The following ATRNL1 variants were observed in gnomAD, a reference collection of about 807,000 sequenced individuals.
ATRNL1 encodes attractin like 1, also known as attractin-like protein 1.
In ATRNL1, 95 loss-of-function variants were observed where a neutral mutation model predicts 182.7. The observed-to-expected ratio is 0.52, with a 90% CI of 0.44 to 0.62. The LOEUF is 0.62. Among genes scored for constraint, ATRNL1 ranks in the 20% least tolerant of loss-of-function variants. ATRNL1 has a pLI of 0.00. For synonymous variants in ATRNL1, 576 were observed against 568.3 expected, an observed-to-expected ratio of 1.01 and a Z score of -0.19; for missense variants, 1,471 against 1,679.5, an observed-to-expected ratio of 0.88 and a Z score of 2.17.
intron 5 of ATRNL1, among the ~76,000 whole-genome samples, chr10:115,132,185 G>GT (rs72400734): frequency 0.082 from 12,411 of 151,780 alleles, 1,689 homozygotes; most frequent in African/African-American, 0.28. Flanking sequence ...GCGGTGTTTG[G>GT]TTTTTTGTCC....
chr10:115,676,543 A>ATATC (rs199983347), intron 26 of ATRNL1, among the ~76,000 whole-genome samples: 1,765 of 152,078 alleles, frequency 0.012, 33 homozygotes, highest in African/African-American at 0.04. Flanking sequence ...ATCTCTGTCT[A>ATATC]TGTATGTATA....
At chr10:115,349,423 G>T (rs1173472769) in intron 19 of ATRNL1, among the ~76,000 whole-genome samples, 1 of 152,160 alleles carries the variant, frequency 6.6e-6, no homozygotes, top group Non-Finnish European at 1.5e-5. Flanking sequence ...AATAATCATG[G>T]ATATGCAGAT....
At chr10:115,765,063 T>G (rs184832423) in intron 27 of ATRNL1, among the ~76,000 whole-genome samples, 292 of 152,342 alleles carry the variant, frequency 1.9e-3, no homozygotes, top group African/African-American at 6.7e-3. Flanking sequence ...GTTTATTTAT[T>G]CATTCACCTA....
At chr10:115,871,063 GA>G (rs1951567208) in intron 28 of ATRNL1, among the ~76,000 whole-genome samples, 6 of 152,086 alleles carry the variant, frequency 3.9e-5, no homozygotes, top group Admixed American at 3.3e-4. Context: ...GGAATAAAAG[GA>G]ATGCTTTTTT....
chr10:115,251,511 G>A (rs1302525369), intron 10 of ATRNL1, among the ~76,000 whole-genome samples: 1 of 152,132 alleles, frequency 6.6e-6, no homozygotes, highest in Non-Finnish European at 1.5e-5. Flanking sequence ...ATTGGGCTAA[G>A]TTCTGTTACA....
chr10:115,159,656 A>G (rs1846685163), intron 5 of ATRNL1, among the ~76,000 whole-genome samples: 1 of 151,630 alleles, frequency 6.6e-6, no homozygotes. Context: ...TATTATATCC[A>G]TTTGTGTAGA....
intron 26 of ATRNL1, among the ~76,000 whole-genome samples, chr10:115,591,356 A>G (rs1322177518): frequency 3.9e-5 from 6 of 152,116 alleles, no homozygotes; most frequent in Admixed American, 1.3e-4. Flanking sequence ...GGGCTTATAT[A>G]GGGTAATTGG....
At chr10:115,160,728 A>G (rs1234137122) in intron 6 of ATRNL1, among the ~76,000 whole-genome samples, 1 of 151,976 alleles carries the variant, frequency 6.6e-6, no homozygotes, top group African/African-American at 2.4e-5. Flanking sequence ...AAGGGGAATC[A>G]TATGGATGGC....
intron 13 of ATRNL1, among the ~76,000 whole-genome samples, chr10:115,275,929 G>T (rs11817487): frequency 0.013 from 1,982 of 152,272 alleles, 39 homozygotes; most frequent in African/African-American, 0.046. Context: ...CTAACAGAAA[G>T]AGCCCTTTCT....
At chr10:115,129,565 A>T (rs782787454) in intron 5 of ATRNL1, 30 bp downstream of exon 5, 26 of 1,571,984 alleles carry the variant, frequency 1.7e-5, no homozygotes, top group Non-Finnish European at 2.3e-5. Flanking sequence ...TGGCTTTTGA[A>T]ACATTGATTC....
At chr10:115,660,938 T>C (rs1266554632) in intron 26 of ATRNL1, among the ~76,000 whole-genome samples, 2 of 152,044 alleles carry the variant, frequency 1.3e-5, no homozygotes, top group African/African-American at 2.4e-5. Context: ...AGACAGGCAC[T>C]AGGGAGTGGA....
chr10:115,342,772 CA>C (rs1855810544), intron 19 of ATRNL1, among the ~76,000 whole-genome samples: 1 of 151,620 alleles, frequency 6.6e-6, no homozygotes, highest in Non-Finnish European at 1.5e-5. Context: ...TCTTTTAGGA[CA>C]GGTCTGGTGC....
chr10:115,443,029 A>G (rs1044747091), intron 21 of ATRNL1, among the ~76,000 whole-genome samples: 2 of 152,012 alleles, frequency 1.3e-5, no homozygotes, highest in South Asian at 4.1e-4. Context: ...GTAAATTAAT[A>G]TTTAGTTTAT....
chr10:115,613,166 A>G (rs1349931372), intron 26 of ATRNL1, among the ~76,000 whole-genome samples: 3 of 152,226 alleles, frequency 2.0e-5, no homozygotes, highest in Non-Finnish European at 4.4e-5. Context: ...GGTGTTGGCT[A>G]TCATTTTAAC....
chr10:115,583,842 A>T (rs1226588633), intron 26 of ATRNL1, among the ~76,000 whole-genome samples: 1 of 150,162 alleles, frequency 6.7e-6, no homozygotes, highest in Non-Finnish European at 1.5e-5. Context: ...TTTCAAAGGG[A>T]ATGCTTCCAG....
At chr10:115,941,649 G>A (rs1333050491) in intron 28 of ATRNL1, among the ~76,000 whole-genome samples, 1 of 152,180 alleles carries the variant, frequency 6.6e-6, no homozygotes, top group African/African-American at 2.4e-5. Flanking sequence ...TGTATTATTT[G>A]TCATATTTGG....
chr10:115,428,344 T>G (rs1033961836), intron 21 of ATRNL1, among the ~76,000 whole-genome samples: 24 of 152,222 alleles, frequency 1.6e-4, no homozygotes, highest in African/African-American at 4.6e-4. Context: ...CTGCAAATAA[T>G]AGCAGTTGGA....
At chr10:115,275,341 C>T (rs1360604644) in intron 13 of ATRNL1, among the ~76,000 whole-genome samples, 1 of 152,096 alleles carries the variant, frequency 6.6e-6, no homozygotes, top group Non-Finnish European at 1.5e-5. Flanking sequence ...TTTTGGGTCT[C>T]CTGGAATTAA....
At position 115,093,739 on chromosome 10, in the gene ATRNL1, G is replaced by T; in HGVS notation, c.-12G>T. 1 of 1,414,168 alleles carries T rather than the reference G, an allele frequency of 7.1e-7. No homozygotes were observed. Among genetic ancestry groups the T allele is most frequent in the African/African-American group, 1.5e-5 (1 of 66,064 alleles). 87.6% of individuals were successfully genotyped at this position (1,414,168 alleles called of 1,614,324 possible). A position where few individuals can be genotyped will look rare whatever the true frequency, so the allele number is the denominator to read the frequency against. On this transcript the variant is annotated 5_prime_UTR_variant, in exon 1 of 29. Transcript: ENST00000355044. The surrounding 1 kb of genome is among the most constrained non-coding windows in gnomAD (Gnocchi z 6.1). ...GCGAGCGCAGTCTCGCCGGGCAGGG[G>T]CGCCGGGGAAGATGGAGACTGGGGG...
Sources: gnomAD v4.1 joint callset for allele counts (sites outside exome capture counted in the v4.1 genomes callset) on GRCh38, gnomAD v4.1.1 for gene constraint, Gnocchi (gnomAD v3.1) non-coding constraint, MANE v1.5 for transcripts, NCBI Gene and HGNC (gene_info 2026-07-23, HGNC 2026-07-21) for gene names.